CA6: variants seen among roughly 807,000 people sequenced by gnomAD.
The protein encoded by CA6 is carbonate dehydratase VI.
A neutral mutation model predicts 35.9 loss-of-function variants in CA6; 28 were observed. The ratio of observed to expected loss-of-function variants is 0.78; its 90% confidence interval spans 0.58 to 1.07. The LOEUF (loss-of-function observed/expected upper bound fraction) is 1.07, where lower values mean the gene tolerates loss of function less well. CA6 is among the 50% of genes least tolerant of loss of function. The probability of loss-of-function intolerance (pLI) is 0.00; values close to 1 mark genes in which losing one functional copy is unlikely to be tolerated. For missense variants in CA6, 377 were observed against 382.0 expected (o/e 0.99, Z 0.11); for synonymous variants, 148 against 152.6 (o/e 0.97, Z 0.22).
chr1:8,967,765 G>A lies in CA6; in HGVS notation c.678G>A (p.Glu226=). The A allele has an allele frequency of 1.2e-6, 2 of 1,614,096 alleles. No homozygotes were observed. Among genetic ancestry groups the A allele is most frequent in the Admixed American group, 1.7e-5 (1 of 59,984 alleles). The change falls in exon 6 of 8, where the codon GAG becomes GAA. Residue 226 remains glutamate, a synonymous_variant. Coordinates refer to ENST00000377443, the MANE Select transcript of CA6 (RefSeq NM_001215.4). The stretch of plus-strand genomic sequence containing the variant: ...CACTCACCACGCCTCCCTGCACTGA[G>A]AACGTCCACTGGTTTGTGCTGGCAG... ...HGSLTTPPCT[E]NVHWFVLADF...
chr1:8,970,311 TAC>T (rs1273391308), intron 6 of CA6, among the ~76,000 whole-genome samples: 14 of 151,818 alleles, frequency 9.2e-5, no homozygotes, highest in African/African-American at 3.4e-4. Flanking sequence ...TCCTTTCTAC[TAC>T]TGGACAAATA....
intron 2 of CA6, among the ~76,000 whole-genome samples, chr1:8,956,080 G>T (rs955680000): frequency 4.6e-5 from 7 of 151,228 alleles, no homozygotes; most frequent in Non-Finnish European, 1.0e-4. Flanking sequence ...AAAATTAGCC[G>T]GGCATGGTGG....
chr1:8,970,130 C>T (rs1213271664), intron 6 of CA6, among the ~76,000 whole-genome samples: 3 of 148,110 alleles, frequency 2.0e-5, no homozygotes, highest in Non-Finnish European at 3.0e-5. Flanking sequence ...AACTTGAACC[C>T]GGGAGGTGGA....
At chr1:8,972,668 G>C (rs778545557) in intron 7 of CA6, among the ~76,000 whole-genome samples, 1 of 151,996 alleles carries the variant, frequency 6.6e-6, no homozygotes, top group Non-Finnish European at 1.5e-5. Flanking sequence ...GGGCGACAGA[G>C]AGAGACTCTG....
chr1:8,967,568 A>G (rs749253435), intron 5 of CA6, 91 bp from the exon 6 acceptor site: 10 of 1,000,756 alleles, frequency 1.0e-5, no homozygotes, highest in Non-Finnish European at 1.5e-5. Context: ...AACTCAAGAG[A>G]TTGGAACCTG....
intron 2 of CA6, among the ~76,000 whole-genome samples, chr1:8,951,220 G>GA (rs749605213): frequency 8.6e-4 from 53 of 61,294 alleles, no homozygotes; most frequent in African/African-American, 1.5e-3. Context: ...CCATCTCAAA[G>GA]AAAAAAAAAA....
intron 1 of CA6, 151 bp from the exon 2 acceptor site, chr1:8,949,111 GC>G: frequency 1.9e-6 from 1 of 533,406 alleles, no homozygotes; most frequent in Non-Finnish European, 3.2e-6. Context: ...TGTCTTTTTG[GC>G]CTCCTTCTGG....
At chr1:8,967,859 G>T (rs147673838) in intron 6 of CA6, 43 bp downstream of exon 6, 202 of 1,588,612 alleles carry the variant, frequency 1.3e-4, no homozygotes, top group Non-Finnish European at 1.7e-4. Flanking sequence ...CCATTCGATT[G>T]CCTGGTTAAC....
chr1:8,974,360 G>T lies in CA6; in HGVS notation c.845-262G>T, dbSNP rs769496436. 8 of 1,524,260 alleles carry T rather than the reference G, an allele frequency of 5.2e-6. No homozygotes were observed. In the East Asian group the frequency reaches 1.7e-4, roughly 33 times the overall value. 94.4% of individuals were successfully genotyped at this position (1,524,260 alleles called of 1,614,324 possible). A position where few individuals can be genotyped will look rare whatever the true frequency, so the allele number is the denominator to read the frequency against. On this transcript the variant is annotated intron_variant, in intron 7 of 7. Coordinates refer to ENST00000377443, the MANE Select transcript of CA6 (RefSeq NM_001215.4). ...ATATCCCCTCAGGCAAGGGCCACGG[G>T]GGGCATCGTGGGAGAAGCCAAAATC...
chr1:8,960,819 GGAGA>G (rs1277064547), intron 4 of CA6, among the ~76,000 whole-genome samples: 5 of 139,658 alleles, frequency 3.6e-5, no homozygotes, highest in East Asian at 2.1e-4. Context: ...CAGAAGGAAA[GGAGA>G]GAGAGAAAGT....
intron 2 of CA6, among the ~76,000 whole-genome samples, chr1:8,955,406 C>G (rs1370220963): frequency 6.6e-6 from 1 of 152,120 alleles, no homozygotes; most frequent in Non-Finnish European, 1.5e-5. Flanking sequence ...AGCACAGTAA[C>G]AGGCTCAGGG....
At chr1:8,951,884 A>G (rs1439067908) in intron 2 of CA6, 3 of 226,610 alleles carry the variant, frequency 1.3e-5, no homozygotes, top group South Asian at 3.2e-4. Context: ...CAGTGGTGCA[A>G]TCTTGGCTCA....
chr1:8,957,676 C>T (rs1639726118), intron 3 of CA6, among the ~76,000 whole-genome samples: 2 of 151,396 alleles, frequency 1.3e-5, no homozygotes, highest in South Asian at 4.2e-4. Flanking sequence ...AGGCCAGGTG[C>T]ACTGGCTCAC....
intron 2 of CA6, among the ~76,000 whole-genome samples, chr1:8,954,416 C>T (rs1169286126): frequency 3.3e-5 from 5 of 151,892 alleles, no homozygotes; most frequent in African/African-American, 7.2e-5. Context: ...CTGCCTGCTT[C>T]GGCCTCCCAA....
chr1:8,961,717 C>T (rs1185177431), intron 4 of CA6, among the ~76,000 whole-genome samples: 3 of 152,202 alleles, frequency 2.0e-5, no homozygotes, highest in Non-Finnish European at 4.4e-5. Context: ...AGATCAACAC[C>T]ACTTGACTGA....
intron 2 of CA6, 31 bp from the exon 3 acceptor site, chr1:8,957,106 C>T (rs770666524): frequency 6.4e-7 from 1 of 1,568,550 alleles, no homozygotes; most frequent in South Asian, 1.2e-5. Flanking sequence ...TGTTCACCTA[C>T]TCTGCTCTCA....
At chr1:8,960,743 A>AACACACACACACACACACACAC (rs113532929) in intron 4 of CA6, among the ~76,000 whole-genome samples, 1 of 108,984 alleles carries the variant, frequency 9.2e-6, no homozygotes, top group African/African-American at 3.9e-5. Context: ...CAAGTATAGC[A>AACACACACACACACACACACAC]ACACACACAC....
chr1:8,952,717 C>T (rs7521910), intron 2 of CA6: 83,725 of 152,038 alleles, frequency 0.55, 23,829 homozygotes, highest in East Asian at 0.69. Context: ...AGTGCGGTGG[C>T]GCGATCTCGG....
intron 4 of CA6, among the ~76,000 whole-genome samples, chr1:8,960,571 T>C (rs1044643601): frequency 3.3e-5 from 5 of 150,314 alleles, no homozygotes; most frequent in African/African-American, 1.2e-4. Context: ...ATAAACAAAA[T>C]GGAAAAAGAA....
Sources: gnomAD v4.1 joint callset for allele counts (sites outside exome capture counted in the v4.1 genomes callset) on GRCh38, gnomAD v4.1.1 for gene constraint, MANE v1.5 for transcripts, NCBI Gene and HGNC (gene_info 2026-07-23, HGNC 2026-07-21) for gene names.